The following ENTPD4 variants were observed in gnomAD, a reference collection of about 807,000 sequenced individuals.
ENTPD4 encodes ectonucleoside triphosphate diphosphohydrolase 4.
A neutral mutation model predicts 79.1 loss-of-function variants in ENTPD4; 60 were observed. The ratio of observed to expected loss-of-function variants is 0.76; its 90% CI spans 0.62 to 0.94. The LOEUF (loss-of-function observed/expected upper bound fraction) is 0.94, where lower values mean the gene tolerates loss of function less well. Among genes scored for constraint, ENTPD4 ranks in the 40% least tolerant of loss-of-function variants. The pLI is 0.00. For missense variants in ENTPD4, 772 were observed against 775.1 expected, an observed-to-expected ratio of 1.00 and a Z score of 0.05; for synonymous variants, 276 against 292.0, an observed-to-expected ratio of 0.95 and a Z score of 0.56.
intron 2 of ENTPD4, among the ~76,000 whole-genome samples, chr8:23,449,294 G>C (rs1356828306): frequency 6.6e-6 from 1 of 152,166 alleles, no homozygotes; most frequent in Non-Finnish European, 1.5e-5. Context: ...TCATGAAATC[G>C]AGTGTAAGGA....
chr8:23,431,095 G>GCTGC lies in ENTPD4; in HGVS notation c.*1827_*1830dup. ...TTTACCTTCCAGAGACGCAGGTTAA[G>GCTGC]CTGCACCTGAGGCAGTTTGAGCCAC... On this transcript the variant is annotated 3_prime_UTR_variant, in exon 13 of 13. Transcript: ENST00000358689. 1.7e-6 allele frequency: 1 copy of GCTGC among 599,456 alleles called. No homozygotes were observed. Among genetic ancestry groups the GCTGC allele is most frequent in the Non-Finnish European group, 2.1e-6 (1 of 477,802 alleles). 37.1% of individuals were successfully genotyped at this position (599,456 alleles called of 1,614,324 possible).
chr8:23,455,562 T>C (rs187715255), intron 1 of ENTPD4, among the ~76,000 whole-genome samples: 7 of 152,370 alleles, frequency 4.6e-5, no homozygotes, highest in Admixed American at 4.6e-4. Context: ...GTATGTTCAA[T>C]ATTTATCTTA....
intron 5 of ENTPD4, 127 bp from the exon 6 acceptor site, chr8:23,444,080 A>T: frequency 1.7e-6 from 1 of 582,748 alleles, no homozygotes; most frequent in African/African-American, 1.9e-5. Flanking sequence ...TGAAACAGTT[A>T]ATTTTTTTAA....
At chr8:23,440,052 T>A in intron 8 of ENTPD4, 137 bp from the exon 9 acceptor site, 1 of 642,074 alleles carries the variant, frequency 1.6e-6, no homozygotes, top group South Asian at 2.1e-5. Flanking sequence ...CTTCTAAGCA[T>A]CACTCATAAT....
intron 1 of ENTPD4, among the ~76,000 whole-genome samples, chr8:23,451,733 G>A (rs570307835): frequency 6.6e-6 from 1 of 152,256 alleles, no homozygotes; most frequent in Non-Finnish European, 1.5e-5. Context: ...TCTGGTCTCA[G>A]GGTCTCTCAA....
At position 23,432,495 on chromosome 8, in the gene ENTPD4, A is replaced by T. The variant is rs867954708; in HGVS notation, c.*431T>A. ...AATACTTCTAGACAGCAGGGCTTAT[A>T]AACAATGCATTTTTTTTTTTTGAGA... On this transcript the variant is annotated 3_prime_UTR_variant, in exon 13 of 13. Transcript: ENST00000358689. 1.0e-6 allele frequency: 1 copy of T among 976,348 alleles called. No individual in the cohort carries two copies. The highest frequency in any genetic ancestry group is 2.1e-5 in the African/African-American group (1 of 48,554). The allele number at this position is 976,348 out of a possible 1,614,324, so 60.5% of individuals were successfully genotyped here. A position where few individuals can be genotyped will look rare whatever the true frequency, so the allele number is the denominator to read the frequency against.
Position 23,449,931 on chromosome 8 carries a change from G to A in ENTPD4, c.-31C>T, listed in dbSNP as rs985284436. On this transcript the variant is annotated 5_prime_UTR_variant, in exon 2 of 13. Coordinates refer to ENST00000358689, the MANE Select transcript of ENTPD4 (RefSeq NM_004901.5). ...AAGGTCAGCAACAAGGCAATGCTCTGGGATTCAGTCCTTCTCACAAACAAT... is the reference window on the plus strand; with the variant it reads ...AAGGTCAGCAACAAGGCAATGCTCTAGGATTCAGTCCTTCTCACAAACAAT... The A allele has an allele frequency of 3.1e-6, 5 of 1,613,816 alleles. No individual in the cohort carries two copies. In the African/African-American group the frequency reaches 6.7e-5, roughly 22 times the overall value.
At chr8:23,434,061 G>A in intron 12 of ENTPD4, 1 of 455,436 alleles carries the variant, frequency 2.2e-6, no homozygotes, top group South Asian at 3.9e-5. Flanking sequence ...CGGGGCTGGG[G>A]AACAGACAGT....
intron 1 of ENTPD4, among the ~76,000 whole-genome samples, chr8:23,451,460 A>G (rs770472995): frequency 7.9e-5 from 12 of 152,146 alleles, no homozygotes; most frequent in Non-Finnish European, 1.8e-4. Flanking sequence ...TTCTACCGGC[A>G]GTCTCAACCA....
chr8:23,454,847 A>C (rs1259538081), intron 1 of ENTPD4, among the ~76,000 whole-genome samples: 1 of 152,242 alleles, frequency 6.6e-6, no homozygotes, highest in Non-Finnish European at 1.5e-5. Flanking sequence ...AACTCAGGAC[A>C]AAAGTACAAT....
Position 23,432,812 on chromosome 8 carries a change from G to A in ENTPD4, c.*114C>T. The A allele has an allele frequency of 1.4e-6, 2 of 1,446,084 alleles. No homozygotes were observed. The highest frequency in any genetic ancestry group is 1.8e-6 in the Non-Finnish European group (2 of 1,101,670). 89.6% of individuals were successfully genotyped at this position (1,446,084 alleles called of 1,614,324 possible). On this transcript the variant is annotated 3_prime_UTR_variant, in exon 13 of 13. Coordinates refer to ENST00000358689, the MANE Select transcript of ENTPD4 (RefSeq NM_004901.5). ...CGCGCTCGGCCTGCATTTTGTTTTT[G>A]TTTGGAGGAACAAAAAAGGGAAAGA...
At chr8:23,446,616 TTC>T (rs1800767338) in intron 4 of ENTPD4, among the ~76,000 whole-genome samples, 2 of 152,178 alleles carry the variant, frequency 1.3e-5, no homozygotes, top group Non-Finnish European at 2.9e-5. Context: ...ACTTTAGATT[TTC>T]TGAGTAATAT....
chr8:23,433,126 TGGC>T lies in ENTPD4; in HGVS notation c.1648_1650del (p.Ala550del). On this transcript the variant is annotated inframe_deletion, in exon 13 of 13. Transcript: ENST00000358689. ...GAAACGCCCCGCCAGTGGGTGTGAC[TGGC>T]TCGGAAGGCCTCCTGCTGGATGTCT... The T allele has an allele frequency of 6.2e-7, 1 of 1,614,172 alleles. No individual in the cohort carries two copies. The highest frequency in any genetic ancestry group is 1.3e-5 in the African/African-American group (1 of 75,054).
chr8:23,450,607 G>A (rs1408376614), intron 1 of ENTPD4, among the ~76,000 whole-genome samples: 1 of 152,164 alleles, frequency 6.6e-6, no homozygotes, highest in Non-Finnish European at 1.5e-5. Context: ...GTCTCGTCTG[G>A]TCTGCTTCTG....
chr8:23,434,464 T>A lies in ENTPD4; in HGVS notation c.1475A>T (p.Lys492Ile), dbSNP rs771911472. ...DLHRLKYQCF[K>I]SAWMFEVFHR... ...AAACACCTCAAACATCCAGGCCGAT[T>A]TGAAGCACTGATACCTACAAACGGC... Residue 492 changes from lysine to isoleucine, a missense_variant, in exon 12 of 13, where the codon AAA becomes ATA. Coordinates refer to ENST00000358689, the MANE Select transcript of ENTPD4 (RefSeq NM_004901.5). 1.2e-6 allele frequency: 2 copies of A among 1,613,976 alleles called. No homozygotes were observed. Among genetic ancestry groups the A allele is most frequent in the Admixed American group, 1.7e-5 (1 of 59,992 alleles).
At chr8:23,450,987 CT>C (rs1800849920) in intron 1 of ENTPD4, among the ~76,000 whole-genome samples, 1 of 151,916 alleles carries the variant, frequency 6.6e-6, no homozygotes. Flanking sequence ...ATCCCTCTTC[CT>C]TCATCTTCCA....
intron 1 of ENTPD4, among the ~76,000 whole-genome samples, chr8:23,454,176 G>A (rs905182589): frequency 2.6e-5 from 4 of 152,092 alleles, no homozygotes; most frequent in Admixed American, 6.5e-5. Context: ...TACCTTTGAC[G>A]GATGAAACCT....
At chr8:23,440,111 G>A (rs1800641860) in intron 8 of ENTPD4, 196 bp from the exon 9 acceptor site, 2 of 536,828 alleles carry the variant, frequency 3.7e-6, no homozygotes, top group South Asian at 5.4e-5. Flanking sequence ...CTGCAAATTT[G>A]TGATACTGTT....
intron 8 of ENTPD4, 94 bp from the exon 9 acceptor site, chr8:23,440,009 CA>C (rs1187419907): frequency 2.9e-5 from 30 of 1,025,290 alleles, no homozygotes; most frequent in Non-Finnish European, 4.4e-5. Context: ...CTAAAAGGGA[CA>C]AAAATGTCTG....
Sources: gnomAD v4.1 joint callset for allele counts (sites outside exome capture counted in the v4.1 genomes callset) on GRCh38, gnomAD v4.1.1 for gene constraint, MANE v1.5 for transcripts, NCBI Gene and HGNC (gene_info 2026-07-23, HGNC 2026-07-21) for gene names.